Variants in ADAM11 observed in about 807,000 individuals in gnomAD.
ADAM11 encodes disintegrin and metalloproteinase domain-containing protein 11.
ADAM11 carries 49 observed loss-of-function variants against 119.1 expected under a neutral mutation model. That is an observed-to-expected ratio of 0.41 (90% CI 0.33 to 0.52). The LOEUF (loss-of-function observed/expected upper bound fraction) is 0.52. ADAM11 is among the 20% of genes least tolerant of loss of function. The pLI, the probability that ADAM11 is intolerant of heterozygous loss-of-function variation, is 0.20. For missense variants in ADAM11, 777 were observed against 1,047.5 expected, an observed-to-expected ratio of 0.74 and a Z score of 3.56; for synonymous variants, 364 against 408.0, an observed-to-expected ratio of 0.89 and a Z score of 1.30.
chr17:44,762,056 T>G (rs1371179614), intron 2 of ADAM11, among the ~76,000 whole-genome samples: 1 of 152,168 alleles, frequency 6.6e-6, no homozygotes, highest in East Asian at 1.9e-4. Context: ...ACTTCCGACC[T>G]CAGGTGATCT....
Position 44,759,705 on chromosome 17 carries a change from T to C in ADAM11, c.62-17T>C. The stretch of plus-strand genomic sequence containing the variant: ...CAGGGTGGGCAGCTGCCTGCAGCCA[T>C]GGCCTTGTTTCCCCAGGTCTTGGGA... On this transcript the variant is annotated splice_polypyrimidine_tract_variant and intron_variant, in intron 1 of 26. Transcript: ENST00000200557. The C allele has an allele frequency of 6.8e-6, 9 of 1,318,182 alleles. No individual in the cohort carries two copies. Among genetic ancestry groups the C allele is most frequent in the Non-Finnish European group, 8.8e-6 (9 of 1,025,546 alleles). The allele number at this position is 1,318,182 out of a possible 1,614,324, so 81.7% of individuals were successfully genotyped here.
chr17:44,781,486 T>A lies in ADAM11; in HGVS notation c.*1732T>A, dbSNP rs540700992. On this transcript the variant is annotated 3_prime_UTR_variant, in exon 27 of 27. Transcript: ENST00000200557. ...CTGCGCTGCCTTAAGGCATCTGTCCTCTGGTGGTGCACCCGTGCACACAGG... is the reference window on the plus strand; with the variant it reads ...CTGCGCTGCCTTAAGGCATCTGTCCACTGGTGGTGCACCCGTGCACACAGG... 1 of 152,446 alleles carries A rather than the reference T, an allele frequency of 6.6e-6. No individual in the cohort carries two copies. Among genetic ancestry groups the A allele is most frequent in the East Asian group, 1.9e-4 (1 of 5,178 alleles). The allele number at this position is 152,446 out of a possible 1,614,324, so 9.4% of individuals were successfully genotyped here.
Position 44,775,342 on chromosome 17 carries a change from C to T in ADAM11, c.1320+31C>T, listed in dbSNP as rs200537757. 1.2e-6 allele frequency: 2 copies of T among 1,613,290 alleles called. No homozygotes were observed. Among genetic ancestry groups the T allele is most frequent in the Non-Finnish European group, 1.7e-6 (2 of 1,179,800 alleles). ...AGCCCCGCGGCGGGGAGCATGGGAGCGGGCCCTGGGCGGGGTCCGGGCCAG... is the reference window on the plus strand; with the variant it reads ...AGCCCCGCGGCGGGGAGCATGGGAGTGGGCCCTGGGCGGGGTCCGGGCCAG... On this transcript the variant is annotated intron_variant, in intron 15 of 26. Transcript: ENST00000200557. The surrounding 1 kb of genome is among the most constrained non-coding windows in gnomAD (Gnocchi z 7.5).
chr17:44,772,202 C>T lies in ADAM11; in HGVS notation c.544-65C>T, dbSNP rs1449365226. 9 of 1,473,600 alleles carry T rather than the reference C, an allele frequency of 6.1e-6. No homozygotes were observed. The South Asian group carries it at 7.3e-5, about 12-fold the overall frequency. The allele number at this position is 1,473,600 out of a possible 1,614,324, so 91.3% of individuals were successfully genotyped here. On this transcript the variant is annotated intron_variant, in intron 6 of 26. Coordinates refer to ENST00000200557, the MANE Select transcript of ADAM11 (RefSeq NM_002390.6). The surrounding 1 kb of genome is among the most constrained non-coding windows in gnomAD (Gnocchi z 4.5). ...GGTGGAGGCGAGGGCTGGATCTGGC[C>T]CCCGCCAAGTGGGCCTGGAGCAGGC...
chr17:44,760,858 A>C (rs1166728847), intron 2 of ADAM11, among the ~76,000 whole-genome samples: 1 of 152,026 alleles, frequency 6.6e-6, no homozygotes, highest in African/African-American at 2.4e-5. Flanking sequence ...CTTGGTTAAA[A>C]GCCCTTAAGG....
In ADAM11 at chr17:44,777,082, C is replaced by A; in HGVS notation, c.1682-84C>A. On this transcript the variant is annotated intron_variant, in intron 20 of 26. Transcript: ENST00000200557. The surrounding 1 kb of genome is among the most constrained non-coding windows in gnomAD (Gnocchi z 5.1). ...GTAGCTCCCCAGGATCTCAGGGACC[C>A]AGGCAGAGTGTGGGAGATGCAGGCC... 1 of 1,541,694 alleles carries A rather than the reference C, an allele frequency of 6.5e-7. No homozygotes were observed. The highest frequency in any genetic ancestry group is 8.8e-7 in the Non-Finnish European group (1 of 1,136,998).
chr17:44,779,760 ACCCTCCT>A lies in ADAM11; in HGVS notation c.*13_*19del. The A allele has an allele frequency of 6.2e-7, 1 of 1,608,968 alleles. No homozygotes were observed. Among genetic ancestry groups the A allele is most frequent in the Non-Finnish European group, 8.5e-7 (1 of 1,178,726 alleles). ...CCAGGTCCGGAGGGGCCTAAGTGCC[ACCCTCCT>A]CCCTCCAAGCCTGGCACCCACCGTC... On this transcript the variant is annotated 3_prime_UTR_variant, in exon 27 of 27. Coordinates refer to ENST00000200557, the MANE Select transcript of ADAM11 (RefSeq NM_002390.6).
intron 1 of ADAM11, 56 bp downstream of exon 1, chr17:44,759,316 G>C: frequency 7.5e-7 from 1 of 1,339,052 alleles, no homozygotes; most frequent in South Asian, 1.8e-5. Context: ...CCCGGGATGT[G>C]CGGCGCTTGC....
chr17:44,777,665 G>A lies in ADAM11; in HGVS notation c.1902-30G>A. 6.2e-7 allele frequency: 1 copy of A among 1,613,348 alleles called. No individual in the cohort carries two copies. The highest frequency in any genetic ancestry group is 1.7e-5 in the Admixed American group (1 of 60,018). On this transcript the variant is annotated intron_variant, in intron 22 of 26. Transcript: ENST00000200557. This position sits in a 1 kb window ranked among gnomAD's most constrained non-coding sequence, Gnocchi z 5.1. Reference sequence around the variant, plus strand: ...GCTGTGCTGGGGGTTAGGAGACAGGGGGCTGAGGCTGGCTGTGTCACTTCC... The same window carrying A: ...GCTGTGCTGGGGGTTAGGAGACAGGAGGCTGAGGCTGGCTGTGTCACTTCC...
rs773701636 is a variant in ADAM11, at chr17:44,779,993, C to G, written c.*239C>G. The G allele has an allele frequency of 1.1e-5, 8 of 708,480 alleles. No homozygotes were observed. The highest frequency in any genetic ancestry group is 2.0e-5 in the Non-Finnish European group (8 of 391,128). The allele number at this position is 708,480 out of a possible 1,614,324, so 43.9% of individuals were successfully genotyped here. ...CCCCACCCACCTCCTGCGGCTCAGC[C>G]TTGCACACCCACTGCCCCGTGTGAA... is the stretch of plus-strand genomic sequence containing the variant. On this transcript the variant is annotated 3_prime_UTR_variant, in exon 27 of 27. Coordinates refer to ENST00000200557, the MANE Select transcript of ADAM11 (RefSeq NM_002390.6).
At chr17:44,762,434 C>A (rs1232999209) in intron 2 of ADAM11, among the ~76,000 whole-genome samples, 1 of 152,190 alleles carries the variant, frequency 6.6e-6, no homozygotes, top group African/African-American at 2.4e-5. Flanking sequence ...GGCCTCAGAG[C>A]CATGGGGTCT....
chr17:44,764,993 C>T (rs1052861184), intron 2 of ADAM11, among the ~76,000 whole-genome samples: 1 of 152,060 alleles, frequency 6.6e-6, no homozygotes, highest in Admixed American at 6.6e-5. Context: ...GGCTTGGCCT[C>T]ACCCAAGCAA....
intron 2 of ADAM11, among the ~76,000 whole-genome samples, chr17:44,763,108 C>G (rs556815087): frequency 3.3e-5 from 5 of 152,214 alleles, no homozygotes; most frequent in Non-Finnish European, 5.9e-5. Flanking sequence ...TGCACTCCAA[C>G]CTAGGCTACA....
intron 2 of ADAM11, among the ~76,000 whole-genome samples, chr17:44,760,445 C>T (rs1050903667): frequency 9.2e-5 from 14 of 152,260 alleles, no homozygotes; most frequent in African/African-American, 3.4e-4. Context: ...CAAGCCAGCT[C>T]TACCTGCCTG....
chr17:44,765,560 AG>A (rs1307401579), intron 2 of ADAM11, among the ~76,000 whole-genome samples: 12 of 149,798 alleles, frequency 8.0e-5, no homozygotes, highest in African/African-American at 2.7e-4. Context: ...CACATTTAAA[AG>A]GGCTTTTATT....
chr17:44,776,751 C>T lies in ADAM11; in HGVS notation c.1573C>T (p.Pro525Ser), dbSNP rs754865904. The change falls in exon 19 of 27, where the codon CCT becomes TCT. Residue 525 changes from proline to serine, a missense_variant. Pro to Ser is a moderately conservative substitution (Grantham distance 74). Transcript: ENST00000200557. This position sits in a 1 kb window ranked among gnomAD's most constrained non-coding sequence, Gnocchi z 5.2. The stretch of plus-strand genomic sequence containing the variant: ...CCCACCCCTCTCTCCACAGTGCCCG[C>T]CTAACCTGCACAAGCTGGACGGTTA... ...TCTGDSSQCP[P>S]NLHKLDGYYC... The T allele has an allele frequency of 1.9e-6, 3 of 1,614,026 alleles. No homozygotes were observed. Among genetic ancestry groups the T allele is most frequent in the Non-Finnish European group, 2.5e-6 (3 of 1,180,020 alleles).
At chr17:44,778,688 CAAAAAAAAA>C (rs566515861) in intron 25 of ADAM11, among the ~76,000 whole-genome samples, 5 of 52,432 alleles carry the variant, frequency 9.5e-5, no homozygotes, top group Non-Finnish European at 1.4e-4. Flanking sequence ...AAGACTGCGT[CAAAAAAAAA>C]AAAAAAAAAA....
rs1567691494 is a variant in ADAM11, at chr17:44,771,822, A to G, written c.534A>G (p.Gly178=). The G allele has an allele frequency of 4.3e-6, 7 of 1,610,702 alleles. No individual in the cohort carries two copies. The highest frequency in any genetic ancestry group is 5.1e-6 in the Non-Finnish European group (6 of 1,177,334). The stretch of plus-strand genomic sequence containing the variant: ...CCCAAGAGGTGGCTGGACCTTGGGG[A>G]GCCCCTCAGGTAAGCCCCACACAAC... The part of the protein sequence containing the change: ...VEPQEVAGPW[G]APQGPLPHLI... Residue 178 remains glycine, a synonymous_variant, in exon 6 of 27, where the codon GGA becomes GGG. Coordinates refer to ENST00000200557, the MANE Select transcript of ADAM11 (RefSeq NM_002390.6).
At chr17:44,759,356 G>T in intron 1 of ADAM11, 96 bp downstream of exon 1, 33 of 1,281,052 alleles carry the variant, frequency 2.6e-5, no homozygotes, top group Non-Finnish European at 3.2e-5. Context: ...TGCAGTGCTC[G>T]GGGTGACAGC....
Sources: gnomAD v4.1 joint callset for allele counts (sites outside exome capture counted in the v4.1 genomes callset) on GRCh38, gnomAD v4.1.1 for gene constraint, Gnocchi (gnomAD v3.1) non-coding constraint, MANE v1.5 for transcripts, NCBI Gene and HGNC (gene_info 2026-07-23, HGNC 2026-07-21) for gene names.